USP54: variants seen among roughly 807,000 people sequenced by gnomAD.
USP54 encodes the protein ubiquitin carboxyl-terminal hydrolase 54.
In USP54, 87 loss-of-function variants were observed where a neutral mutation model predicts 170.5. That is an observed-to-expected ratio of 0.51 (90% CI 0.43 to 0.61). USP54 has a LOEUF of 0.61. USP54 is among the 20% of genes least tolerant of loss of function. The pLI is 0.00. For synonymous variants in USP54, 655 were observed against 742.8 expected (o/e 0.88, Z 1.92); for missense variants, 1,786 against 2,047.8 (o/e 0.87, Z 2.47).
chr10:73,589,839 C>T (rs1488705432), intron 1 of USP54, among the ~76,000 whole-genome samples: 1 of 152,092 alleles, frequency 6.6e-6, no homozygotes, highest in Non-Finnish European at 1.5e-5. Flanking sequence ...AGAAGATTTC[C>T]TCTGTAGGGG....
chr10:73,613,748 G>A (rs530648464), intron 1 of USP54, among the ~76,000 whole-genome samples: 3 of 151,684 alleles, frequency 2.0e-5, no homozygotes, highest in Admixed American at 6.6e-5. Flanking sequence ...GCGTGGTGGC[G>A]CGTGCCTGTA....
chr10:73,528,522 CTGGGATTACAAGCG>C (rs1166215244), intron 15 of USP54, among the ~76,000 whole-genome samples: 1 of 151,928 alleles, frequency 6.6e-6, no homozygotes, highest in Non-Finnish European at 1.5e-5. Context: ...TCCCAAAGTG[CTGGGATTACAAGCG>C]TGAGCTACTG....
chr10:73,593,157 A>G (rs1051797136), upstream of USP54, among the ~76,000 whole-genome samples: 1 of 151,986 alleles, frequency 6.6e-6, no homozygotes, highest in Non-Finnish European at 1.5e-5. Flanking sequence ...CCAGGAGTTC[A>G]AGACCAGCCT....
intron 4 of USP54, chr10:73,546,703 C>T (rs1013760667): frequency 6.6e-6 from 1 of 152,026 alleles, no homozygotes; most frequent in South Asian, 2.1e-4. Flanking sequence ...TTTTATTTAG[C>T]ATCGTTTTTG....
At chr10:73,521,407 G>A (rs375126200) in intron 17 of USP54, among the ~76,000 whole-genome samples, 10 of 152,274 alleles carry the variant, frequency 6.6e-5, no homozygotes, top group African/African-American at 1.9e-4. Flanking sequence ...TCTTATGCCC[G>A]GAATTGAACT....
At chr10:73,547,401 C>A (rs968912906) in intron 4 of USP54, among the ~76,000 whole-genome samples, 1 of 152,058 alleles carries the variant, frequency 6.6e-6, no homozygotes, top group Non-Finnish European at 1.5e-5. Context: ...TCATATGGAA[C>A]CAAAAAAGAG....
chr10:73,556,781 G>A (rs556665134), intron 4 of USP54, among the ~76,000 whole-genome samples: 3 of 152,164 alleles, frequency 2.0e-5, no homozygotes, highest in South Asian at 2.1e-4. Context: ...AGTGGACTAC[G>A]AGTAAAACAC....
At chr10:73,527,130 T>C (rs967204154) in intron 15 of USP54, among the ~76,000 whole-genome samples, 4 of 152,198 alleles carry the variant, frequency 2.6e-5, no homozygotes, top group African/African-American at 7.2e-5. Flanking sequence ...GGGAAGAACA[T>C]TGACAGAGTA....
At chr10:73,534,831 G>A (rs2064896109) in intron 11 of USP54, 61 bp from the exon 12 acceptor site, 2 of 1,520,312 alleles carry the variant, frequency 1.3e-6, no homozygotes, top group South Asian at 2.4e-5. Flanking sequence ...GCAAAGAGAA[G>A]GAAAAGAGAT....
At chr10:73,528,606 T>TC (rs1289875909) in intron 15 of USP54, among the ~76,000 whole-genome samples, 1 of 151,432 alleles carries the variant, frequency 6.6e-6, no homozygotes, top group Non-Finnish European at 1.5e-5. Flanking sequence ...CCTTGCTCTG[T>TC]CGCCTAGGCT....
chr10:73,509,908 G>C (rs2059925763), intron 20 of USP54, among the ~76,000 whole-genome samples: 1 of 152,148 alleles, frequency 6.6e-6, no homozygotes, highest in South Asian at 2.1e-4. Flanking sequence ...TACTCAGGAA[G>C]CTGCAGTGGG....
chr10:73,566,801 T>G (rs1223456292), intron 4 of USP54, among the ~76,000 whole-genome samples: 1 of 151,796 alleles, frequency 6.6e-6, no homozygotes, highest in Non-Finnish European at 1.5e-5. Flanking sequence ...CATTAGGAAG[T>G]CCCTGGGAGA....
At chr10:73,553,557 C>T (rs1410286149) in intron 4 of USP54, among the ~76,000 whole-genome samples, 1 of 152,076 alleles carries the variant, frequency 6.6e-6, no homozygotes, top group African/African-American at 2.4e-5. Context: ...CTGTTCACAC[C>T]AAAGAAAGCC....
intron 1 of USP54, among the ~76,000 whole-genome samples, chr10:73,607,464 T>C (rs895649458): frequency 6.6e-6 from 1 of 152,156 alleles, no homozygotes; most frequent in African/African-American, 2.4e-5. Context: ...GAAGTCTGCA[T>C]TAAGTTATTA....
At chr10:73,610,890 A>G (rs1347704528) in intron 1 of USP54, among the ~76,000 whole-genome samples, 1 of 152,148 alleles carries the variant, frequency 6.6e-6, no homozygotes, top group East Asian at 1.9e-4. Context: ...AAAACACTAA[A>G]ATATGGCTTT....
At chr10:73,573,985 C>A (rs941628520) in intron 3 of USP54, among the ~76,000 whole-genome samples, 1 of 152,136 alleles carries the variant, frequency 6.6e-6, no homozygotes, top group Non-Finnish European at 1.5e-5. Flanking sequence ...TCATAGCAAC[C>A]CATTTTCTCA....
chr10:73,600,838 C>T (rs917977850), intron 1 of USP54, among the ~76,000 whole-genome samples: 4 of 152,026 alleles, frequency 2.6e-5, no homozygotes, highest in African/African-American at 9.7e-5. Context: ...CGCTTGAACC[C>T]GGGGGGCGGA....
chr10:73,530,735 A>G lies in USP54; in HGVS notation c.1416T>C (p.Asp472=), dbSNP rs371979453. Residue 472 remains aspartate, a synonymous_variant, in exon 13 of 24, where the codon GAT becomes GAC. Coordinates refer to ENST00000687698, the MANE Select transcript of USP54 (RefSeq NM_001391956.1). ...RSSGRVRRKG[D]EPQASGYHSE... is the part of the protein sequence containing the mutation. ...TGTGGTATCCCGAGGCCTGGGGCTC[A>G]TCGCCTTTCCTCCTAACCCGACCAG... 1 of 1,614,198 alleles carries G rather than the reference A, an allele frequency of 6.2e-7. No homozygotes were observed.
chr10:73,594,657 G>A (rs375710181), upstream of USP54, among the ~76,000 whole-genome samples: 57 of 152,010 alleles, frequency 3.7e-4, no homozygotes, highest in African/African-American at 1.4e-3. Context: ...GGTGGGGAGG[G>A]GTGGGGAAGA....
Sources: gnomAD v4.1 joint callset for allele counts (sites outside exome capture counted in the v4.1 genomes callset) on GRCh38, gnomAD v4.1.1 for gene constraint, MANE v1.5 for transcripts, NCBI Gene and HGNC (gene_info 2026-07-23, HGNC 2026-07-21) for gene names.